Variants in PCDHAC2 observed in about 807,000 individuals in gnomAD.
PCDHAC2 encodes the protein protocadherin alpha-C2.
Under a neutral mutation model 63.3 loss-of-function variants are expected in PCDHAC2, and 24 were observed. The ratio of observed to expected loss-of-function variants is 0.38; its 90% confidence interval spans 0.27 to 0.53. PCDHAC2 has a LOEUF of 0.53. Ranked by LOEUF, PCDHAC2 falls within the 20% of genes least tolerant of loss-of-function variation. The probability of loss-of-function intolerance (pLI) is 0.81; values close to 1 mark genes in which losing one functional copy is unlikely to be tolerated. For missense variants in PCDHAC2, 1,181 were observed against 1,275.2 expected (o/e 0.93, Z 1.12); for synonymous variants, 569 against 529.4 (o/e 1.07, Z -1.03).
intron 1 of PCDHAC2, chr5:140,969,554 TC>T: frequency 8.2e-7 from 1 of 1,222,072 alleles, no homozygotes; most frequent in Non-Finnish European, 1.1e-6. Context: ...TGAAGCCTTG[TC>T]CATAAAATTG....
At position 140,967,190 on chromosome 5, in the gene PCDHAC2, AACG is replaced by A. The variant is rs781897780; in HGVS notation, c.427_429del (p.Asp143del). ...CGTTGAGGTGGAAATATTGGACATCAACGACAACTCACCGCGTTTCCCGCGGCC... is the reference window on the plus strand; with the variant it reads ...CGTTGAGGTGGAAATATTGGACATCAACAACTCACCGCGTTTCCCGCGGCC... On this transcript the variant is annotated inframe_deletion, in exon 1 of 4. Transcript: ENST00000289269. 1 of 1,613,418 alleles carries A rather than the reference AACG, an allele frequency of 6.2e-7. No homozygotes were observed. Among genetic ancestry groups the A allele is most frequent in the Non-Finnish European group, 8.5e-7 (1 of 1,179,768 alleles).
At chr5:140,986,852 A>G (rs889945842) in intron 3 of PCDHAC2, among the ~76,000 whole-genome samples, 1 of 152,190 alleles carries the variant, frequency 6.6e-6, no homozygotes, top group Admixed American at 6.5e-5. Flanking sequence ...CAGCAACACC[A>G]ACAATACCCG....
Position 140,967,084 on chromosome 5 carries a change from T to G in PCDHAC2, c.318T>G (p.Asp106Glu), listed in dbSNP as rs782593106. 6.2e-7 allele frequency: 1 copy of G among 1,613,270 alleles called. No individual in the cohort carries two copies. Among genetic ancestry groups the G allele is most frequent in the Admixed American group, 1.7e-5 (1 of 60,010 alleles). The change falls in exon 1 of 4, where the codon GAT (aspartate) becomes GAG (glutamate). Residue 106 changes from aspartate (D) to glutamate (E), a missense_variant. Physicochemically the swap from Asp to Glu is conservative, Grantham distance 45. This residue lies in a region of PCDHAC2 where 210 missense variants were observed against 184.9 expected (regional missense o/e 1.14). Coordinates refer to ENST00000289269, the MANE Select transcript of PCDHAC2 (RefSeq NM_018899.6). Reference sequence around the variant, plus strand: ...CGCTCTTCGTCAACGAGCGCATTGATCGGGAGGCGCTGTGTGAGCAGCGGC... The same window carrying G: ...CGCTCTTCGTCAACGAGCGCATTGAGCGGGAGGCGCTGTGTGAGCAGCGGC... ...SGALFVNERI[D>E]REALCEQRPR...
At chr5:140,986,355 T>G (rs1381730343) in intron 3 of PCDHAC2, among the ~76,000 whole-genome samples, 6 of 152,154 alleles carry the variant, frequency 3.9e-5, no homozygotes, top group African/African-American at 1.4e-4. Context: ...CTTCTTCAGA[T>G]GGAGGAATGC....
chr5:140,990,555 G>C (rs1176257375), intron 3 of PCDHAC2, among the ~76,000 whole-genome samples: 1 of 152,130 alleles, frequency 6.6e-6, no homozygotes, highest in African/African-American at 2.4e-5. Context: ...TATTACCCAA[G>C]AACACACACC....
At chr5:140,972,906 C>T (rs1554234702) in intron 1 of PCDHAC2, among the ~76,000 whole-genome samples, 1 of 152,048 alleles carries the variant, frequency 6.6e-6, no homozygotes, top group African/African-American at 2.4e-5. Context: ...TTGTGATCCA[C>T]CCGCCTTGGC....
At chr5:140,979,244 T>C (rs1214932523) in intron 2 of PCDHAC2, among the ~76,000 whole-genome samples, 1 of 152,224 alleles carries the variant, frequency 6.6e-6, no homozygotes, top group African/African-American at 2.4e-5. Context: ...AGAAACAGGC[T>C]GCTATGTATT....
At position 140,966,756 on chromosome 5, in the gene PCDHAC2, G is replaced by A. The variant is rs1476318654; in HGVS notation, c.-11G>A. On this transcript the variant is annotated 5_prime_UTR_variant, in exon 1 of 4. Transcript: ENST00000289269. The stretch of plus-strand genomic sequence containing the variant: ...GGCCCTGCCCGGCTGCCTCCGCCGC[G>A]GCCAGTGGCTATGGAGCAGGCGGGC... The A allele has an allele frequency of 6.3e-6, 9 of 1,437,232 alleles. No individual in the cohort carries two copies. The highest frequency in any genetic ancestry group is 8.2e-6 in the Non-Finnish European group (9 of 1,100,132). The allele number at this position is 1,437,232 out of a possible 1,614,324, so 89.0% of individuals were successfully genotyped here. A position where few individuals can be genotyped will look rare whatever the true frequency, so the allele number is the denominator to read the frequency against.
At chr5:140,985,151 A>G (rs1335001570) in intron 3 of PCDHAC2, among the ~76,000 whole-genome samples, 3 of 152,092 alleles carry the variant, frequency 2.0e-5, no homozygotes, top group Admixed American at 2.0e-4. Flanking sequence ...GTTAGCCAGG[A>G]TTGTCTCAAT....
At position 140,966,958 on chromosome 5, in the gene PCDHAC2, G is replaced by T. The variant is rs561982676; in HGVS notation, c.192G>T (p.Ala64=). 4 of 1,602,380 alleles carry T rather than the reference G, an allele frequency of 2.5e-6. No individual in the cohort carries two copies. Among genetic ancestry groups the T allele is most frequent in the African/African-American group, 2.7e-5 (2 of 74,852 alleles). ...PGALVGNVAR[A]LGLELRRLGP... ...CGCTCGTGGGCAACGTGGCTCGCGCGCTGGGGCTTGAGCTGCGGCGCTTGG... is the reference window on the plus strand; with the variant it reads ...CGCTCGTGGGCAACGTGGCTCGCGCTCTGGGGCTTGAGCTGCGGCGCTTGG... The change falls in exon 1 of 4, where the codon GCG becomes GCT. Residue 64 remains alanine, a synonymous_variant. Transcript: ENST00000289269.
At chr5:140,987,262 G>A (rs563934474) in intron 3 of PCDHAC2, among the ~76,000 whole-genome samples, 1 of 151,978 alleles carries the variant, frequency 6.6e-6, no homozygotes, top group South Asian at 2.1e-4. Context: ...TCTCAGGAAT[G>A]GGACCCGGCA....
At chr5:140,973,328 C>T (rs1315251124) in intron 1 of PCDHAC2, among the ~76,000 whole-genome samples, 1 of 152,114 alleles carries the variant, frequency 6.6e-6, no homozygotes, top group Non-Finnish European at 1.5e-5. Flanking sequence ...AGTTTACACT[C>T]GTTGTAAAGT....
intron 3 of PCDHAC2, among the ~76,000 whole-genome samples, chr5:141,005,406 G>C (rs1224420854): frequency 1.3e-5 from 2 of 152,172 alleles, no homozygotes; most frequent in Non-Finnish European, 2.9e-5. Flanking sequence ...GACTTGAAGA[G>C]TGAGGAGTCA....
chr5:140,976,378 C>A (rs908008970), intron 1 of PCDHAC2, among the ~76,000 whole-genome samples: 2 of 151,926 alleles, frequency 1.3e-5, no homozygotes, highest in Non-Finnish European at 2.9e-5. Flanking sequence ...TGGTGAAACC[C>A]CATCTCTACT....
chr5:140,982,772 A>T (rs144366377), intron 3 of PCDHAC2, among the ~76,000 whole-genome samples: 67 of 152,052 alleles, frequency 4.4e-4, no homozygotes, highest in African/African-American at 1.5e-3. Context: ...TAACAAGGAA[A>T]GTGTGTGTGC....
At position 140,966,695 on chromosome 5, in the gene PCDHAC2, CGGGCGTGGGGCACGGCT is replaced by C. The variant is rs2096039584; in HGVS notation, c.-68_-52del. ...GGGTGGCACGAGCGGAGGCGGGGCC[CGGGCGTGGGGCACGGCT>C]GGGGAAGCTGCCGCCTCCGGCCCTG... On this transcript the variant is annotated 5_prime_UTR_variant, in exon 1 of 4. Coordinates refer to ENST00000289269, the MANE Select transcript of PCDHAC2 (RefSeq NM_018899.6). The C allele has an allele frequency of 7.4e-7, 1 of 1,358,374 alleles. No individual in the cohort carries two copies. 84.1% of individuals were successfully genotyped at this position (1,358,374 alleles called of 1,614,324 possible). A position where few individuals can be genotyped will look rare whatever the true frequency, so the allele number is the denominator to read the frequency against.
intron 3 of PCDHAC2, 155 bp downstream of exon 3, chr5:140,982,718 T>A: frequency 1.1e-6 from 1 of 924,050 alleles, no homozygotes; most frequent in Non-Finnish European, 1.3e-6. Flanking sequence ...CATATATGAT[T>A]ATTTTGATTT....
At chr5:141,005,500 G>A (rs954556024) in intron 3 of PCDHAC2, among the ~76,000 whole-genome samples, 2 of 151,574 alleles carry the variant, frequency 1.3e-5, no homozygotes, top group East Asian at 1.9e-4. Flanking sequence ...TCAGGAGATC[G>A]AGACCATCCT....
intron 3 of PCDHAC2, among the ~76,000 whole-genome samples, chr5:140,987,487 C>A (rs868928905): frequency 6.6e-6 from 1 of 152,154 alleles, no homozygotes; most frequent in Non-Finnish European, 1.5e-5. Flanking sequence ...GTCAGTGACC[C>A]TTTCTGAATT....
Sources: gnomAD v4.1 joint callset for allele counts (sites outside exome capture counted in the v4.1 genomes callset) on GRCh38, gnomAD v4.1.1 for gene constraint, gnomAD v4.1.1 regional missense constraint, MANE v1.5 for transcripts, NCBI Gene and HGNC (gene_info 2026-07-23, HGNC 2026-07-21) for gene names.